LCK: variants seen among roughly 807,000 people sequenced by gnomAD.
The protein encoded by LCK is tyrosine-protein kinase Lck.
Under a neutral mutation model 64.6 loss-of-function variants are expected in LCK, and 14 were observed. The observed-to-expected ratio is 0.22, with a 90% CI of 0.14 to 0.34. LCK has a LOEUF of 0.34. Ranked by LOEUF, LCK falls within the 10% of genes least tolerant of loss-of-function variation. The pLI, the probability that LCK is intolerant of heterozygous loss-of-function variation, is 1.00. For synonymous variants in LCK, 277 were observed against 263.6 expected, an observed-to-expected ratio of 1.05 and a Z score of -0.49; for missense variants, 434 against 668.1, an observed-to-expected ratio of 0.65 and a Z score of 3.86.
chr1:32,257,657 G>A (rs969195668), intron 1 of LCK, among the ~76,000 whole-genome samples: 4 of 152,068 alleles, frequency 2.6e-5, no homozygotes, highest in African/African-American at 4.8e-5. Flanking sequence ...TCCCAGAAAC[G>A]TTTATAAAGC....
Position 32,270,692 on chromosome 1 carries a change from C to T in LCK, c.-5-3633C>T, listed in dbSNP as rs796332117. 6.5e-3 allele frequency among the ~76,000 whole-genome samples: 628 copies of T among 96,720 alleles called. 9 individuals are homozygous for T. Among genetic ancestry groups the T allele is most frequent in the African/African-American group, 0.025 (562 of 22,782 alleles). The allele number at this position is 96,720 out of a possible 152,430, so 63.5% of individuals were successfully genotyped here. The stretch of plus-strand genomic sequence containing the variant: ...ACAGGAATGAGCCATCGTGCCCGGA[C>T]TTTTTTTTTTTTTTTTTTTTTTTTT... On this transcript the variant is annotated intron_variant, in intron 1 of 12. Transcript: ENST00000336890.
At chr1:32,279,799 A>C in intron 10 of LCK, 42 bp from the exon 11 acceptor site, 2 of 1,612,388 alleles carry the variant, frequency 1.2e-6, no homozygotes, top group Non-Finnish European at 1.7e-6. Context: ...AGTGACGTGA[A>C]GACATCTGGC....
At chr1:32,260,434 C>G (rs1472310089) in intron 1 of LCK, among the ~76,000 whole-genome samples, 1 of 152,174 alleles carries the variant, frequency 6.6e-6, no homozygotes, top group Non-Finnish European at 1.5e-5. Context: ...CCAGCCCTGG[C>G]TATTCTAAAT....
intron 1 of LCK, among the ~76,000 whole-genome samples, chr1:32,266,338 A>C (rs1639907272): frequency 6.8e-6 from 1 of 146,938 alleles, no homozygotes; most frequent in Admixed American, 6.8e-5. Context: ...TAAAAATACA[A>C]AAAAAAAAAA....
At chr1:32,255,770 T>C (rs944545880) in intron 1 of LCK, among the ~76,000 whole-genome samples, 4 of 151,892 alleles carry the variant, frequency 2.6e-5, no homozygotes, top group Non-Finnish European at 4.4e-5. Flanking sequence ...TAGGTCAGAA[T>C]CTGGCACATA....
chr1:32,259,803 C>A (rs900869076), intron 1 of LCK, among the ~76,000 whole-genome samples: 1 of 151,570 alleles, frequency 6.6e-6, no homozygotes, highest in African/African-American at 2.4e-5. Flanking sequence ...AGCAAGAGAG[C>A]AAGAGGGCAA....
At chr1:32,265,530 A>G (rs1226055899) in intron 1 of LCK, among the ~76,000 whole-genome samples, 2 of 152,218 alleles carry the variant, frequency 1.3e-5, no homozygotes, top group Non-Finnish European at 2.9e-5. Context: ...ATACCCTGCA[A>G]AGCTAGAGTT....
In LCK at chr1:32,285,907, GT is replaced by G; in HGVS notation, c.*192del. On this transcript the variant is annotated 3_prime_UTR_variant, in exon 13 of 13. Transcript: ENST00000336890. ...GTTGCGTGGACTCTGCACATGTCTT[GT>G]ACATGTGTAGCCTGTGCATGTATGT... is the stretch of plus-strand genomic sequence containing the variant. The G allele has an allele frequency of 1.6e-6, 1 of 626,478 alleles. No individual in the cohort carries two copies. Among genetic ancestry groups the G allele is most frequent in the Non-Finnish European group, 2.8e-6 (1 of 354,634 alleles). The allele number at this position is 626,478 out of a possible 1,614,324, so 38.8% of individuals were successfully genotyped here. A position where few individuals can be genotyped will look rare whatever the true frequency, so the allele number is the denominator to read the frequency against.
Position 32,276,871 on chromosome 1 carries a change from G to T in LCK, c.964+85G>T. ...GGGTGGAAATACACCTTTTCTTCTGGCCCAAAGCTCAAGCAAGGAGGGTTT... is the reference window on the plus strand; with the variant it reads ...GGGTGGAAATACACCTTTTCTTCTGTCCCAAAGCTCAAGCAAGGAGGGTTT... On this transcript the variant is annotated intron_variant, in intron 9 of 12. Coordinates refer to ENST00000336890, the MANE Select transcript of LCK (RefSeq NM_005356.5). This position sits in a 1 kb window ranked among gnomAD's most constrained non-coding sequence, Gnocchi z 4.6. 3.0e-6 allele frequency: 4 copies of T among 1,338,518 alleles called. No homozygotes were observed. Among genetic ancestry groups the T allele is most frequent in the Admixed American group, 2.7e-5 (1 of 36,798 alleles). 82.9% of individuals were successfully genotyped at this position (1,338,518 alleles called of 1,614,324 possible). A position where few individuals can be genotyped will look rare whatever the true frequency, so the allele number is the denominator to read the frequency against.
intron 1 of LCK, chr1:32,274,088 T>C (rs1569948036): frequency 1.3e-6 from 1 of 792,924 alleles, no homozygotes; most frequent in East Asian, 3.0e-5. Flanking sequence ...GGTGGGAGGG[T>C]GGGGCTAGGG....
intron 1 of LCK, among the ~76,000 whole-genome samples, chr1:32,261,538 T>C (rs1207285555): frequency 6.7e-6 from 1 of 148,356 alleles, no homozygotes; most frequent in African/African-American, 2.5e-5. Context: ...CCCAGCTACT[T>C]GGGAGGCTGA....
At chr1:32,277,652 C>G (rs969879760) in intron 9 of LCK, among the ~76,000 whole-genome samples, 1 of 152,116 alleles carries the variant, frequency 6.6e-6, no homozygotes, top group Non-Finnish European at 1.5e-5. Context: ...GCTCAGTTTC[C>G]CCAAGTATAA....
chr1:32,271,031 C>T (rs1327786350), intron 1 of LCK, among the ~76,000 whole-genome samples: 5 of 136,284 alleles, frequency 3.7e-5, no homozygotes, highest in East Asian at 2.2e-4. Flanking sequence ...GACAGGCTCT[C>T]GCTCTGTTAT....
At position 32,275,325 on chromosome 1, in the gene LCK, G is replaced by T; in HGVS notation, c.283G>T (p.Gly95Cys). 2 of 1,614,150 alleles carry T rather than the reference G, an allele frequency of 1.2e-6. No homozygotes were observed. Among genetic ancestry groups the T allele is most frequent in the Non-Finnish European group, 8.5e-7 (1 of 1,180,010 alleles). Reference sequence around the variant, plus strand: ...TGACCCACCTCCGTGGCGCAGGAGCGGCGAGTGGTGGAAGGCGCAGTCCCT... The same window carrying T: ...TGACCCACCTCCGTGGCGCAGGAGCTGCGAGTGGTGGAAGGCGCAGTCCCT... ...GEQLRILEQS[G>C]EWWKAQSLTT... The change falls in exon 5 of 13, where the codon GGC becomes TGC. Residue 95 changes from glycine to cysteine, a missense_variant. Coordinates refer to ENST00000336890, the MANE Select transcript of LCK (RefSeq NM_005356.5). The surrounding 1 kb of genome is among the most constrained non-coding windows in gnomAD (Gnocchi z 6.9).
chr1:32,257,263 T>C, intron 1 of LCK, among the ~76,000 whole-genome samples: 1 of 151,720 alleles, frequency 6.6e-6, no homozygotes, highest in Non-Finnish European at 1.5e-5. Context: ...TTTTTTGTTT[T>C]TTTGAGACAA....
rs982110066 is a variant in LCK, at chr1:32,266,021, G to C, written c.-5-8304G>C. ...GTTATCCAGGCTGGAGTGCAGTGGC[G>C]TGTTCACGGCTCACTGCCGCCTCAA... On this transcript the variant is annotated intron_variant, in intron 1 of 12. Coordinates refer to ENST00000336890, the MANE Select transcript of LCK (RefSeq NM_005356.5). Among the ~76,000 whole-genome samples, 11 of 152,258 alleles carry C rather than the reference G, an allele frequency of 7.2e-5. No homozygotes were observed. In the East Asian group the frequency reaches 1.9e-3, roughly 27 times the overall value.
At chr1:32,278,585 C>T (rs570809516) in intron 9 of LCK, among the ~76,000 whole-genome samples, 9 of 152,236 alleles carry the variant, frequency 5.9e-5, no homozygotes, top group South Asian at 2.1e-4. Context: ...GTGATCCTCC[C>T]GCCTTGGCCT....
rs1347361941 is a variant in LCK at position 32,276,073 on chromosome 1, A to T, written c.631+10A>T. 1 of 1,613,530 alleles carries T rather than the reference A, an allele frequency of 6.2e-7. No individual in the cohort carries two copies. Among genetic ancestry groups the T allele is most frequent in the Admixed American group, 1.7e-5 (1 of 59,986 alleles). On this transcript the variant is annotated intron_variant, in intron 7 of 12. Coordinates refer to ENST00000336890, the MANE Select transcript of LCK (RefSeq NM_005356.5). The surrounding 1 kb of genome is among the most constrained non-coding windows in gnomAD (Gnocchi z 4.6). ...GTCCGCCATTACACCAGTGAGCCCGACGGGACCCCTCCCCCGTGCCCTATC... is the reference window on the plus strand; with the variant it reads ...GTCCGCCATTACACCAGTGAGCCCGTCGGGACCCCTCCCCCGTGCCCTATC...
intron 1 of LCK, among the ~76,000 whole-genome samples, chr1:32,262,047 A>C (rs900166271): frequency 6.7e-6 from 1 of 148,428 alleles, no homozygotes; most frequent in Non-Finnish European, 1.5e-5. Flanking sequence ...CCACACCCAG[A>C]TAATCTTTGT....
Sources: allele counts gnomAD v4.1 joint callset (sites outside exome capture counted in the v4.1 genomes callset), GRCh38; gene constraint gnomAD v4.1.1; non-coding constraint Gnocchi (gnomAD v3.1); transcripts MANE v1.5; gene names NCBI Gene and HGNC (gene_info 2026-07-23, HGNC 2026-07-21).